The following MEGF11 variants were observed in gnomAD, a reference collection of about 807,000 sequenced individuals.
MEGF11 encodes multiple EGF like domains 11, also known as multiple epidermal growth factor-like domains protein 11.
A neutral mutation model predicts 146.6 loss-of-function variants in MEGF11; 126 were observed. The ratio of observed to expected loss-of-function variants is 0.86; its 90% CI spans 0.74 to 1.00. The LOEUF (loss-of-function observed/expected upper bound fraction) is 1.00. Among genes scored for constraint, MEGF11 ranks in the 50% least tolerant of loss-of-function variants. The pLI, the probability that MEGF11 is intolerant of heterozygous loss-of-function variation, is 0.00. For synonymous variants in MEGF11, 532 were observed against 583.4 expected (o/e 0.91, Z 1.27); for missense variants, 1,509 against 1,521.2 (o/e 0.99, Z 0.13).
At chr15:66,233,379 G>A (rs1320624203) in intron 1 of MEGF11, among the ~76,000 whole-genome samples, 1 of 151,990 alleles carries the variant, frequency 6.6e-6, no homozygotes, top group Non-Finnish European at 1.5e-5. Flanking sequence ...GGGATTACAG[G>A]TGCCCACCAC....
chr15:66,038,410 G>C (rs2083808145), intron 5 of MEGF11, among the ~76,000 whole-genome samples: 1 of 152,178 alleles, frequency 6.6e-6, no homozygotes, highest in Non-Finnish European at 1.5e-5. Flanking sequence ...ATGGTTAAGG[G>C]AGCGATGCCC....
chr15:66,067,018 G>T (rs1334466265), intron 5 of MEGF11, among the ~76,000 whole-genome samples: 2 of 152,170 alleles, frequency 1.3e-5, no homozygotes, highest in Non-Finnish European at 2.9e-5. Context: ...CTATCTCTCT[G>T]GGCTTCGGTT....
At chr15:66,216,019 C>T (rs898505904) in intron 1 of MEGF11, among the ~76,000 whole-genome samples, 32 of 152,306 alleles carry the variant, frequency 2.1e-4, no homozygotes, top group Middle Eastern at 3.4e-3. Context: ...CACCCACTCT[C>T]CTTCAACTGC....
intron 1 of MEGF11, among the ~76,000 whole-genome samples, chr15:66,148,351 C>T (rs981281665): frequency 6.6e-6 from 1 of 152,236 alleles, no homozygotes; most frequent in African/African-American, 2.4e-5. Context: ...CTTATCTGCC[C>T]TGTTCTCTGG....
chr15:66,068,504 C>T (rs1369159), intron 5 of MEGF11, among the ~76,000 whole-genome samples: 71,789 of 152,022 alleles, frequency 0.47, 18,369 homozygotes, highest in Non-Finnish European at 0.56. Context: ...AAATCTAGTA[C>T]CTAATTTGAA....
chr15:65,952,522 T>C (rs985428414), intron 10 of MEGF11, among the ~76,000 whole-genome samples: 3 of 152,192 alleles, frequency 2.0e-5, no homozygotes, highest in African/African-American at 7.2e-5. Flanking sequence ...CACTGTGTCA[T>C]ATGACCCCTC....
chr15:66,124,024 A>G, intron 2 of MEGF11, 24 bp from the exon 3 acceptor site: 1 of 1,565,072 alleles, frequency 6.4e-7, no homozygotes, highest in Non-Finnish European at 8.8e-7. Flanking sequence ...GGGAGATAGG[A>G]GCCATGATTA....
intron 10 of MEGF11, among the ~76,000 whole-genome samples, chr15:65,955,515 A>G (rs761993634): frequency 1.4e-4 from 21 of 149,772 alleles, no homozygotes; most frequent in South Asian, 6.3e-4. Context: ...AGGCCAAGGT[A>G]GGTGGATCAC....
intron 15 of MEGF11, among the ~76,000 whole-genome samples, 151 bp from the exon 16 acceptor site, chr15:65,918,245 T>G (rs1348643810): frequency 6.6e-6 from 1 of 152,226 alleles, no homozygotes; most frequent in East Asian, 1.9e-4. Context: ...TTGGTACCCT[T>G]GTCACCCTTC....
At chr15:66,230,662 A>G (rs1282731143) in intron 1 of MEGF11, among the ~76,000 whole-genome samples, 1 of 152,252 alleles carries the variant, frequency 6.6e-6, no homozygotes, top group Non-Finnish European at 1.5e-5. Context: ...AACCATTCTT[A>G]TAAAAGGGGG....
intron 1 of MEGF11, among the ~76,000 whole-genome samples, chr15:66,158,289 C>T (rs1055865362): frequency 1.3e-5 from 2 of 152,226 alleles, no homozygotes; most frequent in South Asian, 2.1e-4. Flanking sequence ...TCAGGAGCTT[C>T]GTGTGGAAAG....
chr15:66,173,695 C>T (rs1217599906), intron 1 of MEGF11, among the ~76,000 whole-genome samples: 1 of 152,152 alleles, frequency 6.6e-6, no homozygotes, highest in African/African-American at 2.4e-5. Flanking sequence ...CCACCATTAC[C>T]CCTCCCCTCC....
intron 1 of MEGF11, among the ~76,000 whole-genome samples, chr15:66,150,755 A>G (rs1417411894): frequency 1.3e-5 from 2 of 151,400 alleles, no homozygotes; most frequent in African/African-American, 4.9e-5. Flanking sequence ...AAATGGGGAA[A>G]TTGAGGTCTA....
chr15:66,101,041 G>A (rs901623209), intron 4 of MEGF11, among the ~76,000 whole-genome samples: 13 of 146,618 alleles, frequency 8.9e-5, no homozygotes, highest in African/African-American at 3.3e-4. Flanking sequence ...GTGAGCAGGC[G>A]GGTGAGTGAG....
chr15:65,905,983 G>T, intron 24 of MEGF11, 102 bp downstream of exon 24: 2 of 949,330 alleles, frequency 2.1e-6, no homozygotes, highest in Non-Finnish European at 3.3e-6. Context: ...TGGGGGGCAG[G>T]CACACACAGT....
At chr15:65,990,553 G>A (rs746650) in intron 5 of MEGF11, among the ~76,000 whole-genome samples, 43,930 of 144,510 alleles carry the variant, frequency 0.3, 6,749 homozygotes, top group East Asian at 0.61. Flanking sequence ...CTGTCCAAAA[G>A]CAAGCAAACA....
At chr15:66,149,950 G>A (rs904124986) in intron 1 of MEGF11, among the ~76,000 whole-genome samples, 3 of 152,204 alleles carry the variant, frequency 2.0e-5, no homozygotes, top group African/African-American at 7.2e-5. Flanking sequence ...CTAGAAGAAC[G>A]CCCATCCCAT....
intron 24 of MEGF11, chr15:65,902,327 G>C (rs1448806894): frequency 6.6e-6 from 1 of 152,410 alleles, no homozygotes; most frequent in Non-Finnish European, 1.5e-5. Context: ...TCTGTGGGGA[G>C]GGGCTAAGCT....
rs1051982970 is a variant in MEGF11 at position 65,895,994 on chromosome 15, A to G, written c.*1940T>C. The G allele has an allele frequency of 2.6e-5, 4 of 152,222 alleles. No individual in the cohort carries two copies. Among genetic ancestry groups the G allele is most frequent in the East Asian group, 1.9e-4 (1 of 5,200 alleles). The allele number at this position is 152,222 out of a possible 1,614,324, so 9.4% of individuals were successfully genotyped here. On this transcript the variant is annotated 3_prime_UTR_variant, in exon 26 of 26. Transcript: ENST00000395614. ...GTTTGCCAGGCAGCAGTTATTGTAC[A>G]TGCAGGATAAGGGAAGAAGAGAAAA...
Sources: gnomAD v4.1 joint callset for allele counts (sites outside exome capture counted in the v4.1 genomes callset) on GRCh38, gnomAD v4.1.1 for gene constraint, MANE v1.5 for transcripts, NCBI Gene and HGNC (gene_info 2026-07-23, HGNC 2026-07-21) for gene names.